TMX3: variants seen among roughly 807,000 people sequenced by gnomAD.
The protein encoded by TMX3 is protein disulfide-isomerase TMX3.
TMX3 carries 40 observed loss-of-function variants against 64.4 expected under a neutral mutation model. That is an observed-to-expected ratio of 0.62 (90% CI 0.48 to 0.81). TMX3 has a LOEUF of 0.81. Among genes scored for constraint, TMX3 ranks in the 30% least tolerant of loss-of-function variants. TMX3 has a pLI of 0.00. For synonymous variants in TMX3, 189 were observed against 175.7 expected, an observed-to-expected ratio of 1.08 and a Z score of -0.60; for missense variants, 497 against 534.5, an observed-to-expected ratio of 0.93 and a Z score of 0.69.
chr18:68,707,418 T>C (rs1398105524), intron 4 of TMX3, among the ~76,000 whole-genome samples: 1 of 152,166 alleles, frequency 6.6e-6, no homozygotes, highest in Non-Finnish European at 1.5e-5. Context: ...GAAAACAATC[T>C]TGGCTATGTT....
Position 68,681,051 on chromosome 18 carries a change from AGCAAGAAATATTG to A in TMX3, c.952_964del (p.Gln318Ter). ...TTCAACATTCTTAATCTGTCTATCT[AGCAAGAAATATTG>A]CTGGTTTGAAGTATTCAGTACAACT... On this transcript the variant is annotated frameshift_variant, in exon 14 of 16. Coordinates refer to ENST00000299608, the MANE Select transcript of TMX3 (RefSeq NM_019022.5). LOFTEE classifies it high-confidence loss of function. The A allele has an allele frequency of 6.2e-7, 1 of 1,603,764 alleles. No individual in the cohort carries two copies. Among genetic ancestry groups the A allele is most frequent in the Non-Finnish European group, 8.5e-7 (1 of 1,175,556 alleles).
In TMX3 at chr18:68,697,311, G is replaced by C. The variant is rs1329928722; in HGVS notation, c.493-8C>G. 1 of 1,479,748 alleles carries C rather than the reference G, an allele frequency of 6.8e-7. No individual in the cohort carries two copies. The highest frequency in any genetic ancestry group is 9.1e-7 in the Non-Finnish European group (1 of 1,094,188). The allele number at this position is 1,479,748 out of a possible 1,614,324, so 91.7% of individuals were successfully genotyped here. A position where few individuals can be genotyped will look rare whatever the true frequency, so the allele number is the denominator to read the frequency against. The stretch of plus-strand genomic sequence containing the variant: ...AGCATCTATGTATTTCTCCTATGAA[G>C]ATACAAACAGAAAAAAGATCATTGA... On this transcript the variant is annotated splice_region_variant and splice_polypyrimidine_tract_variant and intron_variant, in intron 7 of 15. Transcript: ENST00000299608.
chr18:68,707,939 G>GTA (rs80315737), intron 4 of TMX3, among the ~76,000 whole-genome samples: 2 of 150,712 alleles, frequency 1.3e-5, no homozygotes, highest in Non-Finnish European at 2.9e-5. Flanking sequence ...GTATATATGT[G>GTA]TATATATATG....
In TMX3 at chr18:68,702,109, G is replaced by GT. The variant is rs1312576839; in HGVS notation, c.266-320dup. ...GTAAAAAAAATAAAAATAAAAATAC[G>GT]TAAGTACTTCTCATTTGACTTCATG... is the stretch of plus-strand genomic sequence containing the variant. On this transcript the variant is annotated intron_variant, in intron 4 of 15. Coordinates refer to ENST00000299608, the MANE Select transcript of TMX3 (RefSeq NM_019022.5). Among the ~76,000 whole-genome samples the GT allele has an allele frequency of 3.8e-5, 5 of 130,036 alleles. No homozygotes were observed. The South Asian group carries it at 7.4e-4, about 19-fold the overall frequency. The allele number at this position is 130,036 out of a possible 152,430, so 85.3% of individuals were successfully genotyped here.
rs931019952 is a variant in TMX3 at position 68,691,435 on chromosome 18, T to C, written c.571-74A>G. 55 of 977,250 alleles carry C rather than the reference T, an allele frequency of 5.6e-5. No homozygotes were observed. The East Asian group carries it at 1.4e-3, about 25-fold the overall frequency. 60.5% of individuals were successfully genotyped at this position (977,250 alleles called of 1,614,324 possible). Reference sequence around the variant, plus strand: ...ATTAGTAACTATAATTTCAAAAGTCTTGAGATACCAGAAAACTCAAACACA... The same window carrying C: ...ATTAGTAACTATAATTTCAAAAGTCCTGAGATACCAGAAAACTCAAACACA... On this transcript the variant is annotated intron_variant, in intron 8 of 15. Transcript: ENST00000299608.
intron 10 of TMX3, among the ~76,000 whole-genome samples, chr18:68,685,323 T>C (rs1913837476): frequency 6.6e-6 from 1 of 152,246 alleles, no homozygotes. Flanking sequence ...AAATCCATAA[T>C]CTTTCAGTAT....
chr18:68,688,826 G>GC (rs1914220522), intron 9 of TMX3: 1 of 152,054 alleles, frequency 6.6e-6, no homozygotes, highest in Non-Finnish European at 1.5e-5. Context: ...CCCAAATATC[G>GC]CAAGTTCTCA....
chr18:68,701,678 A>G lies in TMX3; in HGVS notation c.311+67T>C, dbSNP rs763136118. The G allele has an allele frequency of 1.1e-5, 17 of 1,603,598 alleles. No homozygotes were observed. The South Asian group carries it at 1.2e-4, about 12-fold the overall frequency. Reference sequence around the variant, plus strand: ...CCTCCAGGGAATCTACTAGAAATTAACGTAATAAAATGTAAGTAGAGTGAA... The same window carrying G: ...CCTCCAGGGAATCTACTAGAAATTAGCGTAATAAAATGTAAGTAGAGTGAA... On this transcript the variant is annotated intron_variant, in intron 5 of 15. Transcript: ENST00000299608.
intron 12 of TMX3, among the ~76,000 whole-genome samples, 170 bp downstream of exon 12, chr18:68,684,020 C>T (rs1035035925): frequency 6.6e-6 from 1 of 151,966 alleles, no homozygotes; most frequent in African/African-American, 2.4e-5. Flanking sequence ...TTTCAGTCAC[C>T]CACTGGGGGT....
At chr18:68,709,708 C>T (rs970703921) in intron 4 of TMX3, among the ~76,000 whole-genome samples, 8 of 152,180 alleles carry the variant, frequency 5.3e-5, no homozygotes, top group East Asian at 1.9e-4. Flanking sequence ...CAGAAAAAAA[C>T]GGATTCTGAA....
intron 13 of TMX3, chr18:68,681,645 T>C: frequency 1.0e-6 from 1 of 985,202 alleles, no homozygotes; most frequent in African/African-American, 1.7e-5. Context: ...GTTCACTCCC[T>C]TCCTCGCTCA....
chr18:68,691,455 A>C lies in TMX3; in HGVS notation c.571-94T>G, dbSNP rs61005248. ...AAGTCTTGAGATACCAGAAAACTCAAACACACATAAAAATAACAAAAAAGA... is the reference window on the plus strand; with the variant it reads ...AAGTCTTGAGATACCAGAAAACTCACACACACATAAAAATAACAAAAAAGA... On this transcript the variant is annotated intron_variant, in intron 8 of 15. Transcript: ENST00000299608. 11,003 of 729,720 alleles carry C rather than the reference A, an allele frequency of 0.015. 904 individuals are homozygous for C. The African/African-American group carries it at 0.17, about 12-fold the overall frequency. 45.2% of individuals were successfully genotyped at this position (729,720 alleles called of 1,614,324 possible). A position where few individuals can be genotyped will look rare whatever the true frequency, so the allele number is the denominator to read the frequency against.
intron 13 of TMX3, chr18:68,681,446 C>G (rs941220188): frequency 4.1e-6 from 4 of 982,772 alleles, no homozygotes; most frequent in Non-Finnish European, 4.8e-6. Context: ...CAACGGTCAA[C>G]AGTCCCTTTA....
intron 15 of TMX3, among the ~76,000 whole-genome samples, chr18:68,679,108 A>T: frequency 6.6e-6 from 1 of 152,110 alleles, no homozygotes; most frequent in East Asian, 1.9e-4. Context: ...AAAATGACCA[A>T]TTTACAGAAG....
In TMX3 at chr18:68,675,143, C is replaced by T. The variant is rs952588804; in HGVS notation, c.*1790G>A. 2.6e-5 allele frequency: 4 copies of T among 152,024 alleles called. No individual in the cohort carries two copies. The highest frequency in any genetic ancestry group is 1.9e-4 in the East Asian group (1 of 5,184). The allele number at this position is 152,024 out of a possible 1,614,324, so 9.4% of individuals were successfully genotyped here. A position where few individuals can be genotyped will look rare whatever the true frequency, so the allele number is the denominator to read the frequency against. On this transcript the variant is annotated 3_prime_UTR_variant, in exon 16 of 16. Transcript: ENST00000299608. ...TAGGCTGAGTTTCAAATGAGGTATC[C>T]GTACTCATCTAAGCTTTTCACTACT...
intron 10 of TMX3, among the ~76,000 whole-genome samples, chr18:68,686,201 C>T (rs765714005): frequency 9.9e-5 from 15 of 152,110 alleles, no homozygotes; most frequent in Non-Finnish European, 1.3e-4. Context: ...GGCACGACCA[C>T]AGCTGATGCC....
At position 68,681,091 on chromosome 18, in the gene TMX3, C is replaced by A; in HGVS notation, c.925G>T (p.Val309Leu). ...TGGTTTGAAGTATTCAGTACAACTA[C>A]AGTTGGGACTGTCAATTCACTGAAA... The part of the protein sequence containing the change: ...LLMDELTVPT[V>L]VVLNTSNQQY... Residue 309 changes from valine (V) to leucine (L), a missense_variant, in exon 14 of 16, where the codon GTA becomes TTA. Coordinates refer to ENST00000299608, the MANE Select transcript of TMX3 (RefSeq NM_019022.5). 1 of 1,574,132 alleles carries A rather than the reference C, an allele frequency of 6.4e-7. No individual in the cohort carries two copies. The highest frequency in any genetic ancestry group is 8.6e-7 in the Non-Finnish European group (1 of 1,162,704).
At chr18:68,710,221 A>G in intron 3 of TMX3, 77 bp from the exon 4 acceptor site, 5 of 1,259,402 alleles carry the variant, frequency 4.0e-6, no homozygotes, top group Non-Finnish European at 4.2e-6. Context: ...ATGAATCTTA[A>G]TATTTAAAGA....
At chr18:68,707,970 TAC>T (rs2030855407) in intron 4 of TMX3, among the ~76,000 whole-genome samples, 8 of 149,302 alleles carry the variant, frequency 5.4e-5, no homozygotes, top group African/African-American at 2.1e-4. Context: ...TGTATATGTG[TAC>T]ATATATGTGT....
Sources: gnomAD v4.1 joint callset for allele counts (sites outside exome capture counted in the v4.1 genomes callset) on GRCh38, gnomAD v4.1.1 for gene constraint, MANE v1.5 for transcripts, NCBI Gene and HGNC (gene_info 2026-07-23, HGNC 2026-07-21) for gene names.